APBB2: variants seen among roughly 807,000 people sequenced by gnomAD.
The protein encoded by APBB2 is amyloid beta precursor protein binding family B member 2.
APBB2 carries 38 observed loss-of-function variants against 82.5 expected under a neutral mutation model. The ratio of observed to expected loss-of-function variants is 0.46; its 90% CI spans 0.36 to 0.60. APBB2 has a LOEUF of 0.60. Among genes scored for constraint, APBB2 ranks in the 20% least tolerant of loss-of-function variants. The pLI is 0.00. For missense variants in APBB2, 772 were observed against 972.3 expected, an observed-to-expected ratio of 0.79 and a Z score of 2.74; for synonymous variants, 341 against 368.2, an observed-to-expected ratio of 0.93 and a Z score of 0.85.
At chr4:40,961,647 T>C (rs1212208079) in intron 6 of APBB2, among the ~76,000 whole-genome samples, 1 of 31,288 alleles carries the variant, frequency 3.2e-5, no homozygotes, top group Non-Finnish European at 6.3e-5. Flanking sequence ...AGTATAATAA[T>C]GAAAGAAAAA....
chr4:41,137,077 GC>G (rs1757772133), intron 2 of APBB2, among the ~76,000 whole-genome samples: 1 of 152,064 alleles, frequency 6.6e-6, no homozygotes, highest in Admixed American at 6.6e-5. Context: ...TAAAAATACA[GC>G]TAGCATTTTA....
chr4:41,210,993 G>A (rs918764444), intron 1 of APBB2, among the ~76,000 whole-genome samples: 17 of 152,078 alleles, frequency 1.1e-4, no homozygotes, highest in African/African-American at 3.9e-4. Context: ...GATGGCTCAC[G>A]CCTGTAATCC....
intron 3 of APBB2, among the ~76,000 whole-genome samples, chr4:41,098,408 C>A (rs1744282992): frequency 6.6e-6 from 1 of 152,084 alleles, no homozygotes; most frequent in Admixed American, 6.6e-5. Flanking sequence ...GTCTTGAGCT[C>A]TTGGGCTCAA....
chr4:41,105,778 C>T (rs1341373370), intron 2 of APBB2, among the ~76,000 whole-genome samples: 2 of 151,350 alleles, frequency 1.3e-5, no homozygotes, highest in Non-Finnish European at 2.9e-5. Context: ...CCCAGCTACT[C>T]AGGAGGCTGA....
chr4:40,988,235 T>C (rs1391103220), intron 6 of APBB2, among the ~76,000 whole-genome samples: 1 of 152,244 alleles, frequency 6.6e-6, no homozygotes, highest in African/African-American at 2.4e-5. Context: ...AAATGTGTTA[T>C]TCCCATTGCA....
intron 12 of APBB2, chr4:40,842,539 G>A: frequency 3.0e-6 from 1 of 328,898 alleles, no homozygotes; most frequent in Non-Finnish European, 6.3e-6. Flanking sequence ...CTTATTTTAG[G>A]TCAACTGTAT....
intron 3 of APBB2, among the ~76,000 whole-genome samples, chr4:41,078,755 C>T (rs548532458): frequency 6.6e-6 from 1 of 152,284 alleles, no homozygotes; most frequent in South Asian, 2.1e-4. Context: ...TACCAGAGTG[C>T]TTACTGAAGC....
chr4:40,923,797 G>C (rs1368010251), intron 10 of APBB2, among the ~76,000 whole-genome samples: 1 of 152,230 alleles, frequency 6.6e-6, no homozygotes, highest in African/African-American at 2.4e-5. Context: ...TCAAAACTCG[G>C]GGACTCACAC....
At chr4:40,998,548 G>A (rs1021735879) in intron 6 of APBB2, among the ~76,000 whole-genome samples, 1 of 152,090 alleles carries the variant, frequency 6.6e-6, no homozygotes, top group African/African-American at 2.4e-5. Flanking sequence ...TTTAACCTAT[G>A]TATCTGTATT....
At chr4:41,026,174 A>G (rs898067740) in intron 5 of APBB2, among the ~76,000 whole-genome samples, 8 of 152,146 alleles carry the variant, frequency 5.3e-5, no homozygotes, top group Middle Eastern at 3.4e-3. Flanking sequence ...GGAGACAACA[A>G]ACACTGGAGT....
In APBB2 at chr4:41,214,501, G is replaced by T. The variant is rs1009433468; in HGVS notation, c.-513C>A. ...CGCCCAGATCAGATGCGGTTACAGC[G>T]CACTAGCTTCCTACTTGAGACCAGA... On this transcript the variant is annotated 5_prime_UTR_variant, in exon 1 of 18. Coordinates refer to ENST00000508593, the MANE Select transcript of APBB2 (RefSeq NM_004307.2). 1.3e-5 allele frequency: 2 copies of T among 152,324 alleles called. No individual in the cohort carries two copies. Among genetic ancestry groups the T allele is most frequent in the Non-Finnish European group, 2.9e-5 (2 of 68,112 alleles). 9.4% of individuals were successfully genotyped at this position (152,324 alleles called of 1,614,324 possible). A position where few individuals can be genotyped will look rare whatever the true frequency, so the allele number is the denominator to read the frequency against.
chr4:41,163,230 G>GTTT (rs1277782467), intron 1 of APBB2, among the ~76,000 whole-genome samples: 1 of 152,194 alleles, frequency 6.6e-6, no homozygotes, highest in Non-Finnish European at 1.5e-5. Flanking sequence ...AGATCTGGGG[G>GTTT]GAAAGAGTAT....
intron 6 of APBB2, among the ~76,000 whole-genome samples, chr4:40,946,153 A>G (rs1788323793): frequency 6.8e-6 from 1 of 146,488 alleles, no homozygotes; most frequent in African/African-American, 2.5e-5. Context: ...AAACGCTTCA[A>G]CCCAGGAGGC....
intron 1 of APBB2, among the ~76,000 whole-genome samples, chr4:41,164,044 T>C (rs2154043387): frequency 1.3e-5 from 2 of 152,110 alleles, no homozygotes; most frequent in Admixed American, 1.3e-4. Flanking sequence ...ATCAGTAGAG[T>C]TTCGGATTTT....
intron 6 of APBB2, among the ~76,000 whole-genome samples, chr4:41,010,120 A>C (rs1042542164): frequency 1.6e-4 from 25 of 152,224 alleles, no homozygotes; most frequent in African/African-American, 5.8e-4. Context: ...GAGGACTCCC[A>C]AAATTATGAC....
chr4:41,189,777 T>C (rs1024988206), intron 1 of APBB2, among the ~76,000 whole-genome samples: 5 of 152,202 alleles, frequency 3.3e-5, no homozygotes, highest in Non-Finnish European at 7.3e-5. Context: ...TCTTCTTCTT[T>C]CTCTAACACC....
rs535936879 is a variant in APBB2 at position 40,990,887 on chromosome 4, T to C, written c.835+22696A>G. Among the ~76,000 whole-genome samples, 4 of 152,164 alleles carry C rather than the reference T, an allele frequency of 2.6e-5. No individual in the cohort carries two copies. In the East Asian group the frequency reaches 7.7e-4, roughly 29 times the overall value. ...CATGAAGGTGTAAATTGGGTTGATA[T>C]GCTCTATGGAGGCAAATGGAGGAAA... On this transcript the variant is annotated intron_variant, in intron 6 of 17. Transcript: ENST00000508593.
At chr4:41,203,756 C>G (rs1240500480) in intron 1 of APBB2, among the ~76,000 whole-genome samples, 1 of 152,142 alleles carries the variant, frequency 6.6e-6, no homozygotes, top group Non-Finnish European at 1.5e-5. Context: ...TGAACTGTTT[C>G]CTGGGCCGTC....
intron 12 of APBB2, among the ~76,000 whole-genome samples, chr4:40,867,328 C>T (rs1764271015): frequency 6.6e-6 from 1 of 152,148 alleles, no homozygotes; most frequent in African/African-American, 2.4e-5. Context: ...CTTTGTATAG[C>T]TACTAACATC....
Sources: gnomAD v4.1 joint callset for allele counts (sites outside exome capture counted in the v4.1 genomes callset) on GRCh38, gnomAD v4.1.1 for gene constraint, MANE v1.5 for transcripts, NCBI Gene and HGNC (gene_info 2026-07-23, HGNC 2026-07-21) for gene names.